Variants in NALCN observed in about 807,000 individuals in gnomAD.
The protein encoded by NALCN is sodium leak channel, non-selective.
A neutral mutation model predicts 225.3 loss-of-function variants in NALCN; 111 were observed. The observed-to-expected ratio is 0.49, with a 90% CI of 0.42 to 0.58. NALCN has a LOEUF of 0.58. Ranked by LOEUF, NALCN falls within the 20% of genes least tolerant of loss-of-function variation. The pLI is 0.00. For synonymous variants in NALCN, 764 were observed against 769.0 expected, an observed-to-expected ratio of 0.99 and a Z score of 0.11; for missense variants, 1,378 against 2,202.4, an observed-to-expected ratio of 0.63 and a Z score of 7.49.
intron 31 of NALCN, 31 bp downstream of exon 31, chr13:101,083,680 A>G: frequency 6.2e-7 from 1 of 1,605,458 alleles, no homozygotes; most frequent in Non-Finnish European, 8.5e-7. Flanking sequence ...ACTAGTGCCC[A>G]ACATGAATAA....
At chr13:101,137,934 C>T (rs543548453) in intron 17 of NALCN, among the ~76,000 whole-genome samples, 1 of 152,332 alleles carries the variant, frequency 6.6e-6, no homozygotes, top group South Asian at 2.1e-4. Context: ...ATTATCTCCA[C>T]TTTACTGATG....
chr13:101,341,351 C>T (rs1269092670), intron 7 of NALCN, among the ~76,000 whole-genome samples: 2 of 152,188 alleles, frequency 1.3e-5, no homozygotes, highest in Admixed American at 1.3e-4. Flanking sequence ...TGTGCCATTA[C>T]ATTCTAGAGT....
At chr13:101,386,292 T>C (rs2046984293) in intron 3 of NALCN, among the ~76,000 whole-genome samples, 1 of 152,176 alleles carries the variant, frequency 6.6e-6, no homozygotes, top group Non-Finnish European at 1.5e-5. Context: ...TTTCTGAAAA[T>C]ATGCTATCCA....
chr13:101,205,545 G>A (rs1220238427), intron 13 of NALCN, among the ~76,000 whole-genome samples: 2 of 152,050 alleles, frequency 1.3e-5, no homozygotes, highest in Admixed American at 1.3e-4. Flanking sequence ...CACCGATTAT[G>A]TTAAAATAAT....
intron 15 of NALCN, among the ~76,000 whole-genome samples, chr13:101,159,953 TTTTTA>T (rs148275396): frequency 6.6e-6 from 1 of 151,266 alleles, no homozygotes; most frequent in African/African-American, 2.4e-5. Context: ...TTTTTTGTTA[TTTTTA>T]TTTTATTTTA....
chr13:101,076,020 G>T, intron 34 of NALCN, 79 bp from the exon 35 acceptor site: 1 of 1,140,276 alleles, frequency 8.8e-7, no homozygotes, highest in Non-Finnish European at 1.3e-6. Context: ...AGCCTTCTGT[G>T]AAGTATACTG....
At chr13:101,226,786 C>G (rs751857625) in intron 13 of NALCN, among the ~76,000 whole-genome samples, 4 of 152,176 alleles carry the variant, frequency 2.6e-5, no homozygotes, top group Non-Finnish European at 5.9e-5. Flanking sequence ...CCCTGCCAGG[C>G]CAGCTGGGAT....
chr13:101,103,313 C>G lies in NALCN; in HGVS notation c.2916G>C (p.Met972Ile). ...CCGATTCAGCAGGTACATTTTGAGG[C>G]ATCCAACAAAGAAATATCAAGCTCA... ...YLVSLIFLCW[M>I]PQNVPAESGA... Residue 972 changes from methionine to isoleucine, a missense_variant, in exon 26 of 44, where the codon ATG becomes ATC. This residue lies in a region of NALCN where 292 missense variants were observed against 409.5 expected (regional missense o/e 0.71). Coordinates refer to ENST00000251127, the MANE Select transcript of NALCN (RefSeq NM_052867.4). The G allele has an allele frequency of 6.2e-7, 1 of 1,612,242 alleles. No individual in the cohort carries two copies. Among genetic ancestry groups the G allele is most frequent in the Non-Finnish European group, 8.5e-7 (1 of 1,179,412 alleles).
At chr13:101,255,066 G>T (rs1455230874) in intron 11 of NALCN, among the ~76,000 whole-genome samples, 1 of 151,782 alleles carries the variant, frequency 6.6e-6, no homozygotes, top group Non-Finnish European at 1.5e-5. Flanking sequence ...TATTATTATT[G>T]TCAGGGGACA....
At chr13:101,100,955 T>C (rs776333079) in intron 26 of NALCN, 67 bp from the exon 27 acceptor site, 8 of 1,270,912 alleles carry the variant, frequency 6.3e-6, no homozygotes, top group Non-Finnish European at 8.7e-6. Flanking sequence ...GTTTAAACAG[T>C]GACATAAATA....
chr13:101,376,149 A>T (rs1462618250), intron 6 of NALCN, among the ~76,000 whole-genome samples: 1 of 152,192 alleles, frequency 6.6e-6, no homozygotes, highest in African/African-American at 2.4e-5. Context: ...AATAATAAAA[A>T]TGAGCTTTTT....
chr13:101,106,100 C>G (rs538308284), intron 22 of NALCN, among the ~76,000 whole-genome samples: 5 of 152,248 alleles, frequency 3.3e-5, no homozygotes, highest in African/African-American at 9.6e-5. Flanking sequence ...GAGGGAAAAC[C>G]CTGTTCCAGG....
rs1371360535 is a variant in NALCN, at chr13:101,376,757, C to G, written c.587G>C (p.Gly196Ala). 1 of 1,613,482 alleles carries G rather than the reference C, an allele frequency of 6.2e-7. No individual in the cohort carries two copies. Among genetic ancestry groups the G allele is most frequent in the Non-Finnish European group, 8.5e-7 (1 of 1,179,846 alleles). Residue 196 changes from glycine to alanine, a missense_variant, in exon 6 of 44, where the codon GGA becomes GCA. Gly to Ala is a moderately conservative substitution (Grantham distance 60). This residue lies in a region of NALCN where 14 missense variants were observed against 58.2 expected (regional missense o/e 0.24). Transcript: ENST00000251127. ...AGTAAATGTTCCAAACATCTGAACTCCTAAAATTCCATAAAGAAGTAGAAA... is the reference window on the plus strand; with the variant it reads ...AGTAAATGTTCCAAACATCTGAACTGCTAAAATTCCATAAAGAAGTAGAAA... ...LFFLLLYGIL[G>A]VQMFGTFTYH...
chr13:101,258,357 A>G (rs2042307702), intron 11 of NALCN, 86 bp downstream of exon 11: 3 of 1,545,920 alleles, frequency 1.9e-6, no homozygotes, highest in Admixed American at 1.8e-5. Context: ...TGAACAGGCT[A>G]CACTTCACTT....
chr13:101,290,936 T>C (rs1232384240), intron 9 of NALCN, among the ~76,000 whole-genome samples: 1 of 152,204 alleles, frequency 6.6e-6, no homozygotes, highest in African/African-American at 2.4e-5. Context: ...AGATTCACGC[T>C]AGAAGAAGAT....
At chr13:101,114,655 TG>T (rs1477520630) in intron 18 of NALCN, among the ~76,000 whole-genome samples, 2 of 152,198 alleles carry the variant, frequency 1.3e-5, no homozygotes, top group Non-Finnish European at 2.9e-5. Context: ...TCCAAATGCA[TG>T]CAGCTTGGAG....
At chr13:101,267,605 C>T (rs556997) in intron 10 of NALCN, among the ~76,000 whole-genome samples, 37,103 of 152,164 alleles carry the variant, frequency 0.24, 5,296 homozygotes, top group East Asian at 0.36. Flanking sequence ...GAACCCCGAG[C>T]GACCACATCA....
chr13:101,126,785 C>T (rs2036255240), intron 17 of NALCN, among the ~76,000 whole-genome samples: 1 of 152,150 alleles, frequency 6.6e-6, no homozygotes, highest in Non-Finnish European at 1.5e-5. Flanking sequence ...GCCACCACAC[C>T]CGGCCAAAAG....
intron 17 of NALCN, among the ~76,000 whole-genome samples, chr13:101,127,915 A>G (rs1016007043): frequency 4.6e-5 from 7 of 152,218 alleles, no homozygotes; most frequent in African/African-American, 1.7e-4. Context: ...CTAAACATAA[A>G]GAGCTCAGAG....
Sources: allele counts gnomAD v4.1 joint callset (sites outside exome capture counted in the v4.1 genomes callset), GRCh38; gene constraint gnomAD v4.1.1; regional missense constraint gnomAD v4.1.1; transcripts MANE v1.5; gene names NCBI Gene and HGNC (gene_info 2026-07-23, HGNC 2026-07-21).